Variants in LMO3 observed in about 807,000 individuals in gnomAD.
The protein encoded by LMO3 is LIM domain only protein 3.
A neutral mutation model predicts 15.8 loss-of-function variants in LMO3; 2 were observed. The ratio of observed to expected loss-of-function variants is 0.13; its 90% CI spans 0.05 to 0.40. The LOEUF is 0.40. Ranked by LOEUF, LMO3 falls within the 10% of genes least tolerant of loss-of-function variation. LMO3 has a pLI of 0.99. For missense variants in LMO3, 86 were observed against 182.2 expected (o/e 0.47, Z 3.04); for synonymous variants, 62 against 63.8 (o/e 0.97, Z 0.13).
intron 1 of LMO3, 129 bp downstream of exon 1, chr12:16,605,937 T>A: frequency 1.0e-6 from 1 of 994,162 alleles, no homozygotes; most frequent in Middle Eastern, 2.1e-4. Flanking sequence ...GGGTTGCAGC[T>A]CCAGTTTATG....
intron 2 of LMO3, 47 bp downstream of exon 2, chr12:16,600,604 AGTAC>A: frequency 6.7e-7 from 1 of 1,482,400 alleles, no homozygotes; most frequent in Non-Finnish European, 9.4e-7. Flanking sequence ...CACTTACAAA[AGTAC>A]TTTAAAAGGC....
chr12:16,565,756 A>G (rs1472993010), intron 2 of LMO3, among the ~76,000 whole-genome samples: 1 of 151,742 alleles, frequency 6.6e-6, no homozygotes, highest in Non-Finnish European at 1.5e-5. Context: ...ATTGCAAATG[A>G]GTACAGCCAT....
intron 2 of LMO3, among the ~76,000 whole-genome samples, chr12:16,561,225 C>G (rs948553484): frequency 6.6e-6 from 1 of 152,058 alleles, no homozygotes; most frequent in Non-Finnish European, 1.5e-5. Context: ...TCCTGAGAAT[C>G]GTTATTGTAA....
intron 2 of LMO3, among the ~76,000 whole-genome samples, chr12:16,590,900 T>C (rs537751811): frequency 6.6e-6 from 1 of 152,130 alleles, no homozygotes; most frequent in East Asian, 1.9e-4. Flanking sequence ...CAACTATTAC[T>C]TAATCACACA....
In LMO3 at chr12:16,560,318, G is replaced by T; in HGVS notation, c.332+95C>A. On this transcript the variant is annotated intron_variant, in intron 3 of 3. Coordinates refer to ENST00000537304, the MANE Select transcript of LMO3 (RefSeq NM_018640.5). This position sits in a 1 kb window ranked among gnomAD's most constrained non-coding sequence, Gnocchi z 5.0. ...GAACAGAAAAACGCTGAGATTGATT[G>T]CTTTAAATGTATGAATATAATTTCC... 7.5e-7 allele frequency: 1 copy of T among 1,335,410 alleles called. No homozygotes were observed. The highest frequency in any genetic ancestry group is 1.0e-6 in the Non-Finnish European group (1 of 975,764). 82.7% of individuals were successfully genotyped at this position (1,335,410 alleles called of 1,614,324 possible). A position where few individuals can be genotyped will look rare whatever the true frequency, so the allele number is the denominator to read the frequency against.
rs1943295114 is a variant in LMO3, at chr12:16,585,652, T to C, written c.206+15003A>G. ...CGTTGAAGTCCACCCATTCCAATTA[T>C]TTAAGTGATTTCATTTGAATGATGT... is the stretch of plus-strand genomic sequence containing the variant. On this transcript the variant is annotated intron_variant, in intron 2 of 3. Transcript: ENST00000537304. This position sits in a 1 kb window ranked among gnomAD's most constrained non-coding sequence, Gnocchi z 4.7. Among the ~76,000 whole-genome samples the C allele has an allele frequency of 6.6e-6, 1 of 152,296 alleles. No homozygotes were observed. The highest frequency in any genetic ancestry group is 1.9e-4 in the East Asian group (1 of 5,186).
intron 2 of LMO3, among the ~76,000 whole-genome samples, chr12:16,578,107 C>T (rs1477794561): frequency 6.6e-6 from 1 of 152,102 alleles, no homozygotes; most frequent in African/African-American, 2.4e-5. Context: ...CACCTCATCG[C>T]CTCCCAGAAG....
Position 16,598,459 on chromosome 12 carries a change from G to A in LMO3, c.206+2196C>T, listed in dbSNP as rs1299834353. The A allele has an allele frequency of 6.6e-6, 1 of 152,016 alleles. No individual in the cohort carries two copies. Among genetic ancestry groups the A allele is most frequent in the African/African-American group, 2.4e-5 (1 of 41,382 alleles). 9.4% of individuals were successfully genotyped at this position (152,016 alleles called of 1,614,324 possible). A position where few individuals can be genotyped will look rare whatever the true frequency, so the allele number is the denominator to read the frequency against. On this transcript the variant is annotated intron_variant, in intron 2 of 3. Coordinates refer to ENST00000537304, the MANE Select transcript of LMO3 (RefSeq NM_018640.5). This position sits in a 1 kb window ranked among gnomAD's most constrained non-coding sequence, Gnocchi z 4.3. ...TAATGTGGTAATGACCAATTTAAGCGGAAATCGTACTCTGAGAAATGAATA... is the reference window on the plus strand; with the variant it reads ...TAATGTGGTAATGACCAATTTAAGCAGAAATCGTACTCTGAGAAATGAATA...
intron 2 of LMO3, among the ~76,000 whole-genome samples, chr12:16,565,982 CCA>C (rs1942583501): frequency 6.8e-5 from 3 of 44,320 alleles, no homozygotes; most frequent in South Asian, 1.0e-3. Flanking sequence ...AGAAAATGTG[CCA>C]TATATATATA....
intron 2 of LMO3, among the ~76,000 whole-genome samples, chr12:16,566,810 A>G (rs1942630656): frequency 6.6e-6 from 1 of 152,206 alleles, no homozygotes; most frequent in Non-Finnish European, 1.5e-5. Context: ...CTCTCTCCAA[A>G]CATGCACATA....
upstream of LMO3, chr12:16,607,610 G>A (rs944259028): frequency 1.3e-5 from 2 of 152,056 alleles, no homozygotes; most frequent in African/African-American, 4.8e-5. Flanking sequence ...ATTTTACAAA[G>A]CTTTGTCAGA....
intron 2 of LMO3, among the ~76,000 whole-genome samples, chr12:16,575,329 G>A (rs74811715): frequency 0.039 from 5,890 of 152,146 alleles, 397 homozygotes; most frequent in African/African-American, 0.14. Flanking sequence ...CTTTTTAATG[G>A]AAAAAGCAAC....
rs556360827 is a variant in LMO3, at chr12:16,597,300, C to T, written c.206+3355G>A. On this transcript the variant is annotated intron_variant, in intron 2 of 3. Coordinates refer to ENST00000537304, the MANE Select transcript of LMO3 (RefSeq NM_018640.5). This position sits in a 1 kb window ranked among gnomAD's most constrained non-coding sequence, Gnocchi z 5.0. ...AAGGAGAAAAAAAATGGAAAGACAT[C>T]AAATTTTCCATAATAATAGTTTCTA... Among the ~76,000 whole-genome samples the T allele has an allele frequency of 1.3e-5, 2 of 151,752 alleles. No homozygotes were observed. Among genetic ancestry groups the T allele is most frequent in the South Asian group, 2.1e-4 (1 of 4,816 alleles).
intron 3 of LMO3, among the ~76,000 whole-genome samples, chr12:16,557,428 G>A (rs922558657): frequency 1.3e-5 from 2 of 150,042 alleles, no homozygotes; most frequent in African/African-American, 4.9e-5. Context: ...GAGGGAATGC[G>A]TAGTTTTGTA....
At chr12:16,570,718 G>GT in intron 2 of LMO3, among the ~76,000 whole-genome samples, 1 of 152,112 alleles carries the variant, frequency 6.6e-6, no homozygotes, top group Non-Finnish European at 1.5e-5. Flanking sequence ...AAACTCACTT[G>GT]TTCTGATGTA....
chr12:16,550,566 A>C lies in LMO3; in HGVS notation c.*656T>G, dbSNP rs1192334337. On this transcript the variant is annotated 3_prime_UTR_variant, in exon 4 of 4. Coordinates refer to ENST00000537304, the MANE Select transcript of LMO3 (RefSeq NM_018640.5). ...GATGAAATTTTTATGTATTTTTTTAAAGCTGATTTTTAACCCCCTGAAAAT... is the reference window on the plus strand; with the variant it reads ...GATGAAATTTTTATGTATTTTTTTACAGCTGATTTTTAACCCCCTGAAAAT... 1.3e-5 allele frequency: 2 copies of C among 152,366 alleles called. No individual in the cohort carries two copies. Among genetic ancestry groups the C allele is most frequent in the Non-Finnish European group, 2.9e-5 (2 of 67,904 alleles). 9.4% of individuals were successfully genotyped at this position (152,366 alleles called of 1,614,324 possible).
At chr12:16,575,918 T>C (rs914592225) in intron 2 of LMO3, among the ~76,000 whole-genome samples, 3 of 152,152 alleles carry the variant, frequency 2.0e-5, no homozygotes, top group African/African-American at 2.4e-5. Flanking sequence ...CCATGTTCAA[T>C]GCACGTAGAA....
upstream of LMO3, chr12:16,609,931 T>TC (rs1345894899): frequency 1.3e-5 from 2 of 151,730 alleles, no homozygotes; most frequent in Non-Finnish European, 2.9e-5. Context: ...TTTTAATTTT[T>TC]TTTTTAGGGC....
chr12:16,550,764 A>AAGTT lies in LMO3; in HGVS notation c.*454_*457dup, dbSNP rs1286038398. The AAGTT allele has an allele frequency of 2.0e-5, 3 of 153,426 alleles. No individual in the cohort carries two copies. Among genetic ancestry groups the AAGTT allele is most frequent in the African/African-American group, 7.2e-5 (3 of 41,422 alleles). 9.5% of individuals were successfully genotyped at this position (153,426 alleles called of 1,614,324 possible). On this transcript the variant is annotated 3_prime_UTR_variant, in exon 4 of 4. Coordinates refer to ENST00000537304, the MANE Select transcript of LMO3 (RefSeq NM_018640.5). ...ATTTGCTTTTCAATTCTTTACTAGA[A>AAGTT]AGTTACAGCTCATTTAAAATAGCTG...
Sources: allele counts gnomAD v4.1 joint callset (sites outside exome capture counted in the v4.1 genomes callset), GRCh38; gene constraint gnomAD v4.1.1; non-coding constraint Gnocchi (gnomAD v3.1); transcripts MANE v1.5; gene names NCBI Gene and HGNC (gene_info 2026-07-23, HGNC 2026-07-21).